Variants in ITGA2 observed in about 807,000 individuals in gnomAD.
The protein encoded by ITGA2 is integrin subunit alpha 2.
Under a neutral mutation model 146.3 loss-of-function variants are expected in ITGA2, and 101 were observed. That is an observed-to-expected ratio of 0.69 (90% CI 0.59 to 0.81). The LOEUF is 0.81. Ranked by LOEUF, ITGA2 falls within the 40% of genes least tolerant of loss-of-function variation. The probability of loss-of-function intolerance (pLI) is 0.00; values close to 1 mark genes in which losing one functional copy is unlikely to be tolerated. For synonymous variants in ITGA2, 477 were observed against 487.1 expected, an observed-to-expected ratio of 0.98 and a Z score of 0.27; for missense variants, 1,281 against 1,402.7, an observed-to-expected ratio of 0.91 and a Z score of 1.39.
At chr5:53,087,797 A>C (rs1459814526) in intron 28 of ITGA2, among the ~76,000 whole-genome samples, 1 of 152,210 alleles carries the variant, frequency 6.6e-6, no homozygotes, top group Non-Finnish European at 1.5e-5. Flanking sequence ...CAGAGCCCTG[A>C]GCATTTTCCT....
At chr5:53,080,048 C>T (rs986867426) in intron 24 of ITGA2, among the ~76,000 whole-genome samples, 1 of 152,132 alleles carries the variant, frequency 6.6e-6, no homozygotes, top group African/African-American at 2.4e-5. Flanking sequence ...GGTCAAGTTC[C>T]TTGCCCAAGC....
chr5:53,083,193 G>A (rs1746009309), intron 26 of ITGA2, 147 bp from the exon 27 acceptor site: 1 of 659,652 alleles, frequency 1.5e-6, no homozygotes, highest in Non-Finnish European at 2.7e-6. Context: ...GAGGGCGGGA[G>A]AGTTAGAACT....
At chr5:53,066,359 A>T (rs1317440462) in intron 15 of ITGA2, among the ~76,000 whole-genome samples, 1 of 151,920 alleles carries the variant, frequency 6.6e-6, no homozygotes, top group Non-Finnish European at 1.5e-5. Flanking sequence ...GTAAAGTGTA[A>T]CTTCTATGTG....
chr5:53,088,682 T>C (rs1182304677), intron 28 of ITGA2, among the ~76,000 whole-genome samples: 1 of 90,092 alleles, frequency 1.1e-5, no homozygotes, highest in Non-Finnish European at 2.3e-5. Context: ...AGAGACTCTG[T>C]CTCAAAAAAA....
chr5:53,041,626 TACTTTTC>T (rs1743801844), intron 2 of ITGA2, among the ~76,000 whole-genome samples: 1 of 152,210 alleles, frequency 6.6e-6, no homozygotes, highest in African/African-American at 2.4e-5. Context: ...CTTGAAATGC[TACTTTTC>T]CATATTGAGA....
intron 2 of ITGA2, among the ~76,000 whole-genome samples, chr5:53,028,704 T>G (rs1743073186): frequency 6.6e-6 from 1 of 152,192 alleles, no homozygotes; most frequent in African/African-American, 2.4e-5. Context: ...AGAACACAAG[T>G]ATCTGATTTT....
At chr5:53,040,838 C>T (rs994990991) in intron 2 of ITGA2, among the ~76,000 whole-genome samples, 4 of 152,106 alleles carry the variant, frequency 2.6e-5, no homozygotes, top group Non-Finnish European at 5.9e-5. Flanking sequence ...CAGGTTAAAA[C>T]CTTCATCCTT....
intron 3 of ITGA2, 35 bp downstream of exon 3, chr5:53,042,256 G>A: frequency 8.2e-7 from 1 of 1,216,384 alleles, no homozygotes; most frequent in African/African-American, 1.5e-5. Context: ...CATGTGATTT[G>A]TCTTAGACTC....
chr5:53,043,367 T>C (rs970859997), intron 3 of ITGA2, among the ~76,000 whole-genome samples: 1 of 152,188 alleles, frequency 6.6e-6, no homozygotes, highest in Non-Finnish European at 1.5e-5. Context: ...TTTAAAGCTA[T>C]ATACATGTAC....
At chr5:53,016,336 C>T (rs1049912037) in intron 1 of ITGA2, among the ~76,000 whole-genome samples, 3 of 152,186 alleles carry the variant, frequency 2.0e-5, no homozygotes. Context: ...TTCTCCTTCA[C>T]TTATGAAGCT....
intron 1 of ITGA2, 43 bp downstream of exon 1, chr5:52,989,575 G>T: frequency 1.2e-6 from 2 of 1,607,972 alleles, no homozygotes; most frequent in South Asian, 2.2e-5. Context: ...GGAGGGACCC[G>T]CGCGGCTTCC....
chr5:53,022,504 A>G (rs959886662), intron 1 of ITGA2, among the ~76,000 whole-genome samples: 6 of 152,224 alleles, frequency 3.9e-5, no homozygotes, highest in Non-Finnish European at 8.8e-5. Context: ...TAATTCTTAA[A>G]TTATTGTTTC....
chr5:52,994,520 G>A (rs1484150763), intron 1 of ITGA2, among the ~76,000 whole-genome samples: 1 of 152,196 alleles, frequency 6.6e-6, no homozygotes, highest in East Asian at 1.9e-4. Flanking sequence ...TCATTCCTAA[G>A]AGAGATATTT....
chr5:53,004,807 C>T (rs894493832), intron 1 of ITGA2, among the ~76,000 whole-genome samples: 4 of 150,342 alleles, frequency 2.7e-5, no homozygotes, highest in Admixed American at 2.7e-4. Context: ...AGGACTAGAG[C>T]CATAAACCAA....
chr5:52,989,814 G>GCACACACACACACACACACA (rs35389760), intron 1 of ITGA2, among the ~76,000 whole-genome samples: 3 of 145,868 alleles, frequency 2.1e-5, no homozygotes, highest in Non-Finnish European at 4.6e-5. Flanking sequence ...GTACACACAC[G>GCACACACACACACACACACA]CACACACACA....
chr5:52,991,649 T>A (rs1289123146), intron 1 of ITGA2, among the ~76,000 whole-genome samples: 1 of 152,166 alleles, frequency 6.6e-6, no homozygotes, highest in Non-Finnish European at 1.5e-5. Context: ...TGTTTAGACA[T>A]CTTGTATCAT....
chr5:53,067,634 A>T (rs904951465), intron 16 of ITGA2, among the ~76,000 whole-genome samples: 1 of 151,940 alleles, frequency 6.6e-6, no homozygotes, highest in Non-Finnish European at 1.5e-5. Flanking sequence ...TCTATATAGG[A>T]CAGGTTCAGT....
chr5:53,059,936 A>G lies in ITGA2; in HGVS notation c.1236A>G (p.Thr412=), dbSNP rs1744823028. 1.2e-6 allele frequency: 2 copies of G among 1,612,230 alleles called. No homozygotes were observed. The highest frequency in any genetic ancestry group is 3.3e-5 in the Admixed American group (2 of 59,792). ...GGAGTGGGACCATTGTCCAGAAGAC[A>G]TCTCATGGCCATTTGATCTTTCCTA... The part of the protein sequence containing the change: ...FGWSGTIVQK[T]SHGHLIFPKQ... The change falls in exon 11 of 30, where the codon ACA becomes ACG. Residue 412 remains threonine (T), a synonymous_variant. Coordinates refer to ENST00000296585, the MANE Select transcript of ITGA2 (RefSeq NM_002203.4).
chr5:52,995,323 C>T (rs1741183080), intron 1 of ITGA2, among the ~76,000 whole-genome samples: 1 of 151,986 alleles, frequency 6.6e-6, no homozygotes, highest in African/African-American at 2.4e-5. Context: ...GTGGAAAGCA[C>T]CAAGATCATT....
Sources: allele counts gnomAD v4.1 joint callset (sites outside exome capture counted in the v4.1 genomes callset), GRCh38; gene constraint gnomAD v4.1.1; transcripts MANE v1.5; gene names NCBI Gene and HGNC (gene_info 2026-07-23, HGNC 2026-07-21).